The following MCF2L2 variants were observed in gnomAD, a reference collection of about 807,000 sequenced individuals.
MCF2L2 encodes probable guanine nucleotide exchange factor MCF2L2.
Under a neutral mutation model 150.2 loss-of-function variants are expected in MCF2L2, and 102 were observed. That is an observed-to-expected ratio of 0.68 (90% CI 0.58 to 0.80). The LOEUF is 0.80. MCF2L2 is among the 30% of genes least tolerant of loss of function. The probability of loss-of-function intolerance (pLI) is 0.00; values close to 1 mark genes in which losing one functional copy is unlikely to be tolerated. For synonymous variants in MCF2L2, 465 were observed against 491.3 expected, an observed-to-expected ratio of 0.95 and a Z score of 0.71; for missense variants, 1,256 against 1,372.8, an observed-to-expected ratio of 0.91 and a Z score of 1.34.
chr3:183,309,327 C>T (rs956959355), intron 10 of MCF2L2, among the ~76,000 whole-genome samples: 2 of 152,060 alleles, frequency 1.3e-5, no homozygotes, highest in Non-Finnish European at 2.9e-5. Context: ...CCCCACAACC[C>T]CCAGCCCCCT....
chr3:183,216,344 T>C (rs550786038), intron 21 of MCF2L2, among the ~76,000 whole-genome samples: 46 of 149,726 alleles, frequency 3.1e-4, no homozygotes, highest in African/African-American at 1.0e-3. Context: ...TCATAAATCA[T>C]GGAAATTATA....
intron 10 of MCF2L2, among the ~76,000 whole-genome samples, chr3:183,304,725 C>T (rs552829260): frequency 2.0e-5 from 3 of 151,930 alleles, no homozygotes; most frequent in Non-Finnish European, 2.9e-5. Context: ...TCACCCGCCT[C>T]GGCCTCCCAA....
At chr3:183,370,425 C>T (rs1712802326) in intron 3 of MCF2L2, among the ~76,000 whole-genome samples, 1 of 152,250 alleles carries the variant, frequency 6.6e-6, no homozygotes. Context: ...AAAAATCATG[C>T]ATCAAGAATT....
rs193247839 is a variant in MCF2L2, at chr3:183,326,082, T to C, written c.487-2731A>G. 2.6e-5 allele frequency among the ~76,000 whole-genome samples: 4 copies of C among 152,186 alleles called. No individual in the cohort carries two copies. The East Asian group carries it at 7.7e-4, about 29-fold the overall frequency. On this transcript the variant is annotated intron_variant, in intron 5 of 29. Coordinates refer to ENST00000328913, the MANE Select transcript of MCF2L2 (RefSeq NM_015078.4). ...TTGTCAGTTTCAAAACTTAATAAAATTGCAGTAAAGAAGAGTGTGGTAATG... is the reference window on the plus strand; with the variant it reads ...TTGTCAGTTTCAAAACTTAATAAAACTGCAGTAAAGAAGAGTGTGGTAATG...
chr3:183,251,004 G>A (rs1724495642), intron 15 of MCF2L2, among the ~76,000 whole-genome samples: 1 of 152,236 alleles, frequency 6.6e-6, no homozygotes, highest in African/African-American at 2.4e-5. Flanking sequence ...CTTGCAGGCA[G>A]GTATTACTGT....
intron 15 of MCF2L2, chr3:183,272,529 T>A: frequency 3.0e-6 from 3 of 994,434 alleles, no homozygotes; most frequent in Non-Finnish European, 3.6e-6. Flanking sequence ...TTAATTTTTT[T>A]CTATTTTGAA....
chr3:183,180,581 T>C (rs1721485946), intron 27 of MCF2L2, among the ~76,000 whole-genome samples: 1 of 151,996 alleles, frequency 6.6e-6, no homozygotes, highest in Non-Finnish European at 1.5e-5. Context: ...GTGTCACTGC[T>C]CCCCATAAGG....
chr3:183,316,472 A>C (rs778362779), intron 7 of MCF2L2, among the ~76,000 whole-genome samples: 3 of 146,344 alleles, frequency 2.0e-5, no homozygotes, highest in Non-Finnish European at 4.5e-5. Flanking sequence ...AGCCTCCTGA[A>C]TAGCTGGGAT....
intron 15 of MCF2L2, chr3:183,265,816 T>TG (rs1473185986): frequency 6.6e-6 from 1 of 150,768 alleles, no homozygotes; most frequent in Non-Finnish European, 1.5e-5. Flanking sequence ...GTATTATCAG[T>TG]GAGATCTGGT....
chr3:183,342,462 A>C (rs1730738841), intron 3 of MCF2L2, among the ~76,000 whole-genome samples: 1 of 152,150 alleles, frequency 6.6e-6, no homozygotes, highest in South Asian at 2.1e-4. Flanking sequence ...TCTGGAACCA[A>C]CTTGACTAGA....
intron 3 of MCF2L2, among the ~76,000 whole-genome samples, chr3:183,360,980 AAAGAAAAGAAAAGAAAAG>A (rs1433865124): frequency 2.4e-5 from 3 of 124,618 alleles, no homozygotes; most frequent in African/African-American, 1.4e-4. Flanking sequence ...AAAGAAAAGA[AAAGAAAAGAAAAGAAAAG>A]AAAAGAAAAG....
At chr3:183,342,486 T>A (rs1730739756) in intron 3 of MCF2L2, among the ~76,000 whole-genome samples, 1 of 152,322 alleles carries the variant, frequency 6.6e-6, no homozygotes, top group African/African-American at 2.4e-5. Context: ...GAATTCTGAA[T>A]TCTATTTATA....
At chr3:183,408,891 A>C (rs1220409029) in intron 1 of MCF2L2, among the ~76,000 whole-genome samples, 1 of 152,222 alleles carries the variant, frequency 6.6e-6, no homozygotes, top group Admixed American at 6.5e-5. Context: ...AAAGTCCTCT[A>C]AATACAGAAA....
intron 25 of MCF2L2, among the ~76,000 whole-genome samples, chr3:183,196,328 GGGT>G (rs1291003673): frequency 1.3e-5 from 2 of 152,138 alleles, no homozygotes; most frequent in Non-Finnish European, 2.9e-5. Flanking sequence ...CCAGTGTACA[GGGT>G]TATTATGCTT....
chr3:183,415,734 AC>A (rs1173221569), intron 1 of MCF2L2, among the ~76,000 whole-genome samples: 8 of 151,798 alleles, frequency 5.3e-5, no homozygotes, highest in African/African-American at 1.9e-4. Flanking sequence ...CCATCCTTTT[AC>A]TTTTTTATAT....
At chr3:183,292,695 G>T (rs1728232195) in intron 13 of MCF2L2, among the ~76,000 whole-genome samples, 1 of 152,068 alleles carries the variant, frequency 6.6e-6, no homozygotes, top group Non-Finnish European at 1.5e-5. Context: ...TGATATTTAT[G>T]ATAAGAATAG....
chr3:183,408,230 G>A (rs967567872), intron 1 of MCF2L2, among the ~76,000 whole-genome samples: 2 of 152,198 alleles, frequency 1.3e-5, no homozygotes, highest in Non-Finnish European at 2.9e-5. Context: ...CCAGAGTAGA[G>A]AGGCCAGGAG....
At chr3:183,274,031 A>G (rs1727008328) in intron 15 of MCF2L2, among the ~76,000 whole-genome samples, 1 of 152,160 alleles carries the variant, frequency 6.6e-6, no homozygotes, top group Admixed American at 6.5e-5. Flanking sequence ...CCTGGCCAAC[A>G]TGGTGAAACC....
intron 1 of MCF2L2, among the ~76,000 whole-genome samples, chr3:183,426,291 G>A (rs73186940): frequency 0.085 from 12,999 of 152,232 alleles, 574 homozygotes; most frequent in African/African-American, 0.099. Context: ...CAGAGAAATA[G>A]GAGGGACCTT....
Sources: allele counts gnomAD v4.1 joint callset (sites outside exome capture counted in the v4.1 genomes callset), GRCh38; gene constraint gnomAD v4.1.1; transcripts MANE v1.5; gene names NCBI Gene and HGNC (gene_info 2026-07-23, HGNC 2026-07-21).